The following GAB1 variants were observed in gnomAD, a reference collection of about 807,000 sequenced individuals.
GAB1 encodes GRB2-associated-binding protein 1.
GAB1 carries 19 observed loss-of-function variants against 66.5 expected under a neutral mutation model. That is an observed-to-expected ratio of 0.29 (90% CI 0.20 to 0.42). The LOEUF (loss-of-function observed/expected upper bound fraction) is 0.42. GAB1 is among the 10% of genes least tolerant of loss of function. The pLI, the probability that GAB1 is intolerant of heterozygous loss-of-function variation, is 1.00. For missense variants in GAB1, 732 were observed against 858.5 expected, an observed-to-expected ratio of 0.85 and a Z score of 1.84; for synonymous variants, 294 against 301.4, an observed-to-expected ratio of 0.98 and a Z score of 0.25.
At chr4:143,459,623 C>G (rs1282794352) in intron 7 of GAB1, 145 bp downstream of exon 7, 2 of 641,032 alleles carry the variant, frequency 3.1e-6, no homozygotes, top group Admixed American at 2.9e-5. Context: ...AAGTCAAAAC[C>G]ATTTTCATTA....
At chr4:143,395,861 G>A in intron 1 of GAB1, 1 of 454,460 alleles carries the variant, frequency 2.2e-6, no homozygotes, top group Non-Finnish European at 4.4e-6. Flanking sequence ...AAAGAAGAAG[G>A]CACAGCTTGT....
intron 2 of GAB1, among the ~76,000 whole-genome samples, chr4:143,418,291 C>T (rs1732804849): frequency 6.6e-6 from 1 of 152,208 alleles, no homozygotes; most frequent in South Asian, 2.1e-4. Flanking sequence ...TAAACGTGGT[C>T]ACAGTGTAAG....
rs1428517299 is a variant in GAB1, at chr4:143,473,450, T to C, written c.*4261T>C. The C allele has an allele frequency of 6.6e-6, 1 of 152,174 alleles. No homozygotes were observed. The highest frequency in any genetic ancestry group is 1.5e-5 in the Non-Finnish European group (1 of 68,042). 9.4% of individuals were successfully genotyped at this position (152,174 alleles called of 1,614,324 possible). On this transcript the variant is annotated 3_prime_UTR_variant, in exon 10 of 10. Coordinates refer to ENST00000262994, the MANE Select transcript of GAB1 (RefSeq NM_002039.4). ...TAACTGTGCTTCCCAGTCCCACCTC[T>C]ATATGTCACTCATTTTCTGCAACAA...
intron 1 of GAB1, among the ~76,000 whole-genome samples, chr4:143,394,094 A>G (rs1731317675): frequency 6.6e-6 from 1 of 152,180 alleles, no homozygotes; most frequent in Non-Finnish European, 1.5e-5. Context: ...TAACACGGTG[A>G]AACCCTGTCT....
At chr4:143,345,727 T>G (rs1272588108) in intron 1 of GAB1, among the ~76,000 whole-genome samples, 1 of 152,252 alleles carries the variant, frequency 6.6e-6, no homozygotes, top group Non-Finnish European at 1.5e-5. Context: ...TCTAACTTAC[T>G]TTTACATTGC....
intron 1 of GAB1, among the ~76,000 whole-genome samples, chr4:143,415,024 T>A (rs895638704): frequency 6.6e-6 from 1 of 152,208 alleles, no homozygotes; most frequent in African/African-American, 2.4e-5. Context: ...CTGCTTTCTG[T>A]CTGTATGAAT....
chr4:143,365,901 A>C (rs1729864171), intron 1 of GAB1, among the ~76,000 whole-genome samples: 1 of 152,210 alleles, frequency 6.6e-6, no homozygotes, highest in Non-Finnish European at 1.5e-5. Context: ...CTAATACATA[A>C]ATGAACAATA....
At chr4:143,433,276 A>AAT (rs973883673) in intron 2 of GAB1, among the ~76,000 whole-genome samples, 1 of 152,176 alleles carries the variant, frequency 6.6e-6, no homozygotes, top group Admixed American at 6.5e-5. Flanking sequence ...GAGGATCTGG[A>AAT]ATATATATAG....
At chr4:143,422,909 C>G (rs148556574) in intron 2 of GAB1, among the ~76,000 whole-genome samples, 33 of 152,312 alleles carry the variant, frequency 2.2e-4, no homozygotes, top group African/African-American at 7.7e-4. Context: ...CACACATAAG[C>G]AAACCCTAAA....
intron 2 of GAB1, among the ~76,000 whole-genome samples, chr4:143,416,746 C>T (rs562791199): frequency 6.6e-6 from 1 of 152,322 alleles, no homozygotes; most frequent in South Asian, 2.1e-4. Context: ...TCCACTCCAG[C>T]CTGGGCGACA....
chr4:143,415,070 T>A (rs946916999), intron 1 of GAB1, among the ~76,000 whole-genome samples: 2 of 152,200 alleles, frequency 1.3e-5, no homozygotes, highest in Non-Finnish European at 2.9e-5. Flanking sequence ...AGTGGAATCA[T>A]ACAATATTTG....
intron 1 of GAB1, among the ~76,000 whole-genome samples, chr4:143,371,667 G>A (rs1040084708): frequency 6.6e-6 from 1 of 152,172 alleles, no homozygotes; most frequent in Non-Finnish European, 1.5e-5. Flanking sequence ...TTCTTCTAGG[G>A]TTTTTATGGT....
chr4:143,391,911 T>C (rs1435669760), intron 1 of GAB1, among the ~76,000 whole-genome samples: 1 of 152,212 alleles, frequency 6.6e-6, no homozygotes, highest in East Asian at 1.9e-4. Context: ...TAAATACATA[T>C]ATGAATTACC....
At chr4:143,425,592 C>T (rs72721086) in intron 2 of GAB1, 35,273 of 762,470 alleles carry the variant, frequency 0.046, 1,001 homozygotes, top group Middle Eastern at 0.084. Flanking sequence ...GGAAGTTCTG[C>T]GCGTGCGTGG....
intron 1 of GAB1, among the ~76,000 whole-genome samples, chr4:143,369,703 A>G (rs1730036779): frequency 1.3e-5 from 2 of 152,202 alleles, no homozygotes; most frequent in East Asian, 1.9e-4. Context: ...TTCTGAAGGA[A>G]TGATTGGATT....
Position 143,469,247 on chromosome 4 carries a change from T to A in GAB1, c.*58T>A. 1 of 1,554,098 alleles carries A rather than the reference T, an allele frequency of 6.4e-7. No individual in the cohort carries two copies. Among genetic ancestry groups the A allele is most frequent in the Non-Finnish European group, 8.8e-7 (1 of 1,136,806 alleles). ...AACTGAATTGTAAAGATAAATCCCTTTTGAAGAATGACTTGACACTTCCAC... is the reference window on the plus strand; with the variant it reads ...AACTGAATTGTAAAGATAAATCCCTATTGAAGAATGACTTGACACTTCCAC... On this transcript the variant is annotated 3_prime_UTR_variant, in exon 10 of 10. Transcript: ENST00000262994.
At chr4:143,382,740 G>A (rs1161188632) in intron 1 of GAB1, among the ~76,000 whole-genome samples, 1 of 152,032 alleles carries the variant, frequency 6.6e-6, no homozygotes, top group Non-Finnish European at 1.5e-5. Context: ...GTGAAACTGA[G>A]GACGCTGATT....
At chr4:143,403,222 G>A (rs556281817) in intron 1 of GAB1, among the ~76,000 whole-genome samples, 1 of 152,170 alleles carries the variant, frequency 6.6e-6, no homozygotes, top group East Asian at 1.9e-4. Flanking sequence ...CTGCCAGATG[G>A]CACTGTTATT....
chr4:143,337,785 A>G (rs569609693), intron 1 of GAB1, among the ~76,000 whole-genome samples: 13 of 152,262 alleles, frequency 8.5e-5, no homozygotes, highest in Non-Finnish European at 1.8e-4. Flanking sequence ...AGTAGAGACA[A>G]GCATATCGAA....
Sources: gnomAD v4.1 joint callset for allele counts (sites outside exome capture counted in the v4.1 genomes callset) on GRCh38, gnomAD v4.1.1 for gene constraint, MANE v1.5 for transcripts, NCBI Gene and HGNC (gene_info 2026-07-23, HGNC 2026-07-21) for gene names.